The following DEPDC5 variants were observed in gnomAD, a reference collection of about 807,000 sequenced individuals.
DEPDC5 encodes DEP domain containing 5, GATOR1 subcomplex subunit.
A neutral mutation model predicts 217.3 loss-of-function variants in DEPDC5; 73 were observed. That is an observed-to-expected ratio of 0.34 (90% CI 0.28 to 0.41). The LOEUF (loss-of-function observed/expected upper bound fraction) is 0.41. Ranked by LOEUF, DEPDC5 falls within the 10% of genes least tolerant of loss-of-function variation. DEPDC5 has a pLI of 1.00. For synonymous variants in DEPDC5, 733 were observed against 756.7 expected (o/e 0.97, Z 0.51); for missense variants, 1,675 against 2,070.1 (o/e 0.81, Z 3.70).
chr22:31,799,323 A>T (rs2086605398), intron 14 of DEPDC5, among the ~76,000 whole-genome samples: 1 of 150,566 alleles, frequency 6.6e-6, no homozygotes, highest in African/African-American at 2.4e-5. Context: ...GATTATAGGC[A>T]TGAGCCACAG....
rs1433301885 is a variant in DEPDC5, at chr22:31,822,459, G to C, written c.2007-234G>C. On this transcript the variant is annotated intron_variant, in intron 23 of 42. Coordinates refer to ENST00000651528, the MANE Select transcript of DEPDC5 (RefSeq NM_001242896.3). ...GCAGACAGGGCGGGTGGTCTAGCTT[G>C]GTGGTGGGAAAGCAGCAGGGGTGCC... Among the ~76,000 whole-genome samples the C allele has an allele frequency of 3.9e-5, 6 of 152,288 alleles. No homozygotes were observed. The East Asian group carries it at 1.2e-3, about 29-fold the overall frequency.
chr22:31,818,049 C>T (rs1291523491), intron 21 of DEPDC5, among the ~76,000 whole-genome samples: 1 of 152,050 alleles, frequency 6.6e-6, no homozygotes, highest in African/African-American at 2.4e-5. Flanking sequence ...GAGTTTGCAT[C>T]TGCTGGACCC....
intron 27 of DEPDC5, among the ~76,000 whole-genome samples, chr22:31,842,575 C>CAAAAA (rs56671305): frequency 2.7e-5 from 2 of 73,492 alleles, no homozygotes; most frequent in Non-Finnish European, 5.7e-5. Context: ...AACTCCATCT[C>CAAAAA]AAAAAAAAAA....
chr22:31,812,715 C>T (rs1347034295), intron 20 of DEPDC5, among the ~76,000 whole-genome samples: 1 of 146,914 alleles, frequency 6.8e-6, no homozygotes, highest in Admixed American at 6.8e-5. Flanking sequence ...TGAGCCACCG[C>T]GCCCGGCCAA....
chr22:31,905,959 A>G, intron 41 of DEPDC5, 25 bp from the exon 42 acceptor site: 2 of 1,605,424 alleles, frequency 1.2e-6, no homozygotes, highest in African/African-American at 1.3e-5. Flanking sequence ...GGCGCTGATT[A>G]GCATGTCTTC....
chr22:31,877,214 T>C (rs1402085361), intron 37 of DEPDC5, among the ~76,000 whole-genome samples: 1 of 151,086 alleles, frequency 6.6e-6, no homozygotes, highest in Non-Finnish European at 1.5e-5. Flanking sequence ...AGCAGGTGGA[T>C]TGCCTGAGCT....
In DEPDC5 at chr22:31,802,876, C is replaced by T. The variant is rs5998133; in HGVS notation, c.1081+38C>T. On this transcript the variant is annotated intron_variant, in intron 15 of 42. Transcript: ENST00000651528. The stretch of plus-strand genomic sequence containing the variant: ...GGTTTGTGCCCTGTCTCCACATGTT[C>T]CTAGCCTGATTTCCCCTTAGAACTG... 0.094 allele frequency: 145,643 copies of T among 1,544,030 alleles called. 7,385 individuals carry two copies. The highest frequency in any genetic ancestry group is 0.17 in the Admixed American group (8,384 of 50,648).
chr22:31,798,151 C>G (rs751472119), intron 13 of DEPDC5, among the ~76,000 whole-genome samples: 2 of 152,066 alleles, frequency 1.3e-5, no homozygotes. Flanking sequence ...TCAAACTCCT[C>G]GTCTTAAGCG....
chr22:31,852,370 C>T (rs538849198), intron 31 of DEPDC5, among the ~76,000 whole-genome samples: 18 of 119,028 alleles, frequency 1.5e-4, no homozygotes, highest in South Asian at 7.5e-4. Flanking sequence ...GATGGAGTTT[C>T]GCTCTTGTTG....
intron 2 of DEPDC5, 103 bp from the exon 3 acceptor site, chr22:31,758,443 G>T: frequency 1.1e-6 from 1 of 950,260 alleles, no homozygotes; most frequent in East Asian, 2.4e-5. Context: ...TCTGTCAATG[G>T]GGTGGCAATA....
At chr22:31,842,513 T>TG (rs1174187522) in intron 27 of DEPDC5, among the ~76,000 whole-genome samples, 5 of 143,892 alleles carry the variant, frequency 3.5e-5, no homozygotes. Flanking sequence ...AGGTGGAGGT[T>TG]GCAGTGAGCC....
chr22:31,878,636 C>T (rs2093072000), intron 37 of DEPDC5, among the ~76,000 whole-genome samples: 1 of 151,926 alleles, frequency 6.6e-6, no homozygotes, highest in South Asian at 2.1e-4. Flanking sequence ...TTGCTTGAGC[C>T]CAGGAGGTTG....
intron 41 of DEPDC5, among the ~76,000 whole-genome samples, chr22:31,902,829 G>A (rs2093674614): frequency 6.6e-6 from 1 of 152,088 alleles, no homozygotes; most frequent in Non-Finnish European, 1.5e-5. Context: ...TGCACCTAGT[G>A]AGCCCTCAGT....
chr22:31,775,184 C>CT (rs879415250), intron 7 of DEPDC5, among the ~76,000 whole-genome samples: 126 of 144,610 alleles, frequency 8.7e-4, no homozygotes, highest in South Asian at 3.9e-3. Context: ...GTCTTCCTTC[C>CT]TTTTTTTTTT....
At chr22:31,789,502 T>C (rs2085391113) in intron 10 of DEPDC5, among the ~76,000 whole-genome samples, 2 of 152,158 alleles carry the variant, frequency 1.3e-5, no homozygotes, top group Non-Finnish European at 2.9e-5. Flanking sequence ...TTTCATCAGT[T>C]TGGGATTTCC....
chr22:31,861,631 A>G lies in DEPDC5; in HGVS notation c.3330+198A>G, dbSNP rs552250595. Among the ~76,000 whole-genome samples, 10 of 152,368 alleles carry G rather than the reference A, an allele frequency of 6.6e-5. No individual in the cohort carries two copies. In the South Asian group the frequency reaches 2.1e-3, roughly 32 times the overall value. On this transcript the variant is annotated intron_variant, in intron 33 of 42. Transcript: ENST00000651528. ...AGGGGGGGATGGAAGAGGTTAATGT[A>G]GAAGAACATATGATTGTACCAGTGA...
Position 31,861,418 on chromosome 22 carries a change from C to T in DEPDC5, c.3315C>T (p.Ser1105=), listed in dbSNP as rs371969641. ...TCCGCAGCCCACGCACAGCATCGTC[C>T]GCCTTCTACCCTCAGGTTAGTCCAA... ...EFVRSPRTAS[S]AFYPQVSVDQ... The change falls in exon 33 of 43, where the codon TCC becomes TCT. Residue 1105 remains serine (S), a synonymous_variant. Transcript: ENST00000651528. 5.1e-4 allele frequency: 792 copies of T among 1,551,424 alleles called. 1 individual carries two copies. The highest frequency in any genetic ancestry group is 6.5e-4 in the Non-Finnish European group (743 of 1,146,958).
intron 35 of DEPDC5, among the ~76,000 whole-genome samples, chr22:31,873,576 A>G (rs2092909590): frequency 6.6e-6 from 1 of 151,260 alleles, no homozygotes; most frequent in South Asian, 2.1e-4. Flanking sequence ...CGGTGTCGCC[A>G]TCTTGGCTCA....
intron 38 of DEPDC5, 121 bp from the exon 39 acceptor site, chr22:31,893,461 A>G (rs1436120092): frequency 8.4e-6 from 8 of 949,190 alleles, no homozygotes; most frequent in Non-Finnish European, 1.2e-5. Context: ...AAACTTCTGG[A>G]ATCTGCAGTT....
Sources: gnomAD v4.1 joint callset for allele counts (sites outside exome capture counted in the v4.1 genomes callset) on GRCh38, gnomAD v4.1.1 for gene constraint, MANE v1.5 for transcripts, NCBI Gene and HGNC (gene_info 2026-07-23, HGNC 2026-07-21) for gene names.